PCDH15: variants seen among roughly 807,000 people sequenced by gnomAD.
PCDH15 encodes protocadherin related 15, also known as protocadherin-15.
PCDH15 carries 129 observed loss-of-function variants against 178.5 expected under a neutral mutation model. The observed-to-expected ratio is 0.72, with a 90% CI of 0.63 to 0.84. The LOEUF (loss-of-function observed/expected upper bound fraction) is 0.84. Among genes scored for constraint, PCDH15 ranks in the 40% least tolerant of loss-of-function variants. PCDH15 has a pLI of 0.00. For synonymous variants in PCDH15, 800 were observed against 732.0 expected (o/e 1.09, Z -1.50); for missense variants, 2,230 against 2,099.9 (o/e 1.06, Z -1.21).
chr10:55,002,866 C>A (rs998619069), intron 2 of PCDH15, among the ~76,000 whole-genome samples: 3 of 152,154 alleles, frequency 2.0e-5, no homozygotes, highest in African/African-American at 7.2e-5. Flanking sequence ...GTATTTGTGT[C>A]AGAATAACAG....
chr10:55,602,355 G>A (rs1253447473), intron 2 of PCDH15, among the ~76,000 whole-genome samples: 1 of 151,982 alleles, frequency 6.6e-6, no homozygotes, highest in Non-Finnish European at 1.5e-5. Context: ...AAAAAAAGCG[G>A]CTGGGAAGCT....
intron 8 of PCDH15, among the ~76,000 whole-genome samples, chr10:54,240,483 G>C (rs1041941702): frequency 6.6e-6 from 1 of 151,794 alleles, no homozygotes; most frequent in Non-Finnish European, 1.5e-5. Context: ...TTTTCCCTAA[G>C]TTAGTTTCAG....
intron 26 of PCDH15, among the ~76,000 whole-genome samples, chr10:53,871,476 GTGTGTA>G (rs959296983): frequency 4.4e-4 from 66 of 151,574 alleles, no homozygotes; most frequent in African/African-American, 1.4e-3. Context: ...GTGTGTGTGT[GTGTGTA>G]TATACACAAA....
intron 14 of PCDH15, among the ~76,000 whole-genome samples, chr10:54,134,969 G>A (rs1282754841): frequency 2.0e-5 from 3 of 151,352 alleles, no homozygotes; most frequent in Admixed American, 2.0e-4. Flanking sequence ...CACTTTTGGA[G>A]GCCAAGGTGA....
chr10:55,274,516 T>C (rs1842533539), intron 1 of PCDH15, among the ~76,000 whole-genome samples: 1 of 152,094 alleles, frequency 6.6e-6, no homozygotes, highest in East Asian at 1.9e-4. Context: ...TATTGCCTGA[T>C]GACTCCATTT....
chr10:54,183,682 CA>C, intron 12 of PCDH15, 89 bp from the exon 13 acceptor site: 1 of 1,478,180 alleles, frequency 6.8e-7, no homozygotes. Flanking sequence ...AAGTTTCTTA[CA>C]GGTAATCTTA....
intron 8 of PCDH15, among the ~76,000 whole-genome samples, chr10:54,248,441 A>C (rs994018453): frequency 3.3e-5 from 5 of 152,024 alleles, no homozygotes; most frequent in Admixed American, 1.3e-4. Flanking sequence ...TCCAATAATA[A>C]ATTCATTCCC....
chr10:54,530,705 T>G (rs1355989019), intron 2 of PCDH15, among the ~76,000 whole-genome samples: 1 of 152,164 alleles, frequency 6.6e-6, no homozygotes, highest in East Asian at 1.9e-4. Flanking sequence ...TAATTCCCAC[T>G]ACGATTTATT....
intron 2 of PCDH15, among the ~76,000 whole-genome samples, chr10:55,485,182 T>C (rs1840270288): frequency 6.6e-6 from 1 of 151,640 alleles, no homozygotes; most frequent in Non-Finnish European, 1.5e-5. Context: ...CATAACTCAA[T>C]AGCAAAAAAA....
At chr10:54,540,581 AAAG>A (rs887292299) in intron 2 of PCDH15, among the ~76,000 whole-genome samples, 28 of 152,254 alleles carry the variant, frequency 1.8e-4, no homozygotes, top group African/African-American at 5.8e-4. Flanking sequence ...CCAGATGTAC[AAAG>A]AAGAGCTGGT....
chr10:54,382,110 C>T (rs1259009580), intron 3 of PCDH15, among the ~76,000 whole-genome samples: 1 of 152,110 alleles, frequency 6.6e-6, no homozygotes, highest in African/African-American at 2.4e-5. Flanking sequence ...ATTTTCAACA[C>T]ATTTCTTGGC....
chr10:54,081,937 A>G (rs1399183983), intron 16 of PCDH15, among the ~76,000 whole-genome samples: 2 of 152,188 alleles, frequency 1.3e-5, no homozygotes, highest in East Asian at 1.9e-4. Context: ...AACTCTGGAA[A>G]ACAGTCACAG....
At chr10:54,523,876 G>A (rs1162827177) in intron 3 of PCDH15, among the ~76,000 whole-genome samples, 1 of 152,170 alleles carries the variant, frequency 6.6e-6, no homozygotes, top group African/African-American at 2.4e-5. Flanking sequence ...TGAAATAACT[G>A]TTTACGGCAA....
chr10:53,973,244 G>A lies in PCDH15; in HGVS notation c.2869-11352C>T, dbSNP rs1035982846. 1.3e-4 allele frequency among the ~76,000 whole-genome samples: 18 copies of A among 143,592 alleles called. 1 individual carries two copies. In the Admixed American group the frequency reaches 1.3e-3, roughly 10 times the overall value. 94.2% of individuals were successfully genotyped at this position (143,592 alleles called of 152,430 possible). A position where few individuals can be genotyped will look rare whatever the true frequency, so the allele number is the denominator to read the frequency against. On this transcript the variant is annotated intron_variant, in intron 21 of 37. Transcript: ENST00000644397. Reference sequence around the variant, plus strand: ...CTCATAGGTGGGAACTCAACAATGAGAACACTTGGACACAGGGCGAGGAAC... The same window carrying A: ...CTCATAGGTGGGAACTCAACAATGAAAACACTTGGACACAGGGCGAGGAAC...
At chr10:54,417,915 A>G (rs952011936) in intron 3 of PCDH15, among the ~76,000 whole-genome samples, 9 of 152,086 alleles carry the variant, frequency 5.9e-5, no homozygotes, top group Admixed American at 1.3e-4. Flanking sequence ...TATTTATTTC[A>G]TTTTGTAGAG....
intron 18 of PCDH15, among the ~76,000 whole-genome samples, chr10:54,056,810 T>C (rs12252197): frequency 0.21 from 31,732 of 152,020 alleles, 3,495 homozygotes; most frequent in Non-Finnish European, 0.23. Context: ...GTTCCTTCCG[T>C]CTATGAGCCT....
chr10:54,767,447 C>T (rs1948641957), intron 1 of PCDH15, among the ~76,000 whole-genome samples: 1 of 152,002 alleles, frequency 6.6e-6, no homozygotes, highest in Admixed American at 6.6e-5. Context: ...AATTAAATTA[C>T]ATAGACAGTC....
intron 7 of PCDH15, among the ~76,000 whole-genome samples, chr10:54,323,569 A>G (rs1273255795): frequency 6.6e-6 from 1 of 152,296 alleles, no homozygotes; most frequent in Middle Eastern, 3.4e-3. Flanking sequence ...TTGAAGCAAC[A>G]TGGATGAAGC....
chr10:54,958,082 G>A (rs188831802), intron 2 of PCDH15, among the ~76,000 whole-genome samples: 1 of 151,660 alleles, frequency 6.6e-6, no homozygotes, highest in African/African-American at 2.4e-5. Flanking sequence ...GAGATTCAAA[G>A]TTCTTTTAAT....
Sources: allele counts gnomAD v4.1 joint callset (sites outside exome capture counted in the v4.1 genomes callset), GRCh38; gene constraint gnomAD v4.1.1; transcripts MANE v1.5; gene names NCBI Gene and HGNC (gene_info 2026-07-23, HGNC 2026-07-21).